Variants in DMXL1 observed in about 807,000 individuals in gnomAD.
The protein encoded by DMXL1 is Dmx like 1.
A neutral mutation model predicts 319.2 loss-of-function variants in DMXL1; 99 were observed. The ratio of observed to expected loss-of-function variants is 0.31; its 90% CI spans 0.26 to 0.37. The LOEUF (loss-of-function observed/expected upper bound fraction) is 0.37, where lower values mean the gene tolerates loss of function less well. DMXL1 is among the 10% of genes least tolerant of loss of function. The pLI, the probability that DMXL1 is intolerant of heterozygous loss-of-function variation, is 1.00. For missense variants in DMXL1, 3,745 were observed against 3,595.6 expected, an observed-to-expected ratio of 1.04 and a Z score of -1.06; for synonymous variants, 1,385 against 1,235.2, an observed-to-expected ratio of 1.12 and a Z score of -2.54.
At chr5:119,187,248 C>G (rs1007609259) in intron 28 of DMXL1, among the ~76,000 whole-genome samples, 1 of 152,138 alleles carries the variant, frequency 6.6e-6, no homozygotes, top group African/African-American at 2.4e-5. Context: ...CTTAATTTCT[C>G]CCTAATACTA....
chr5:119,120,079 C>A (rs1290189657), intron 8 of DMXL1, among the ~76,000 whole-genome samples: 1 of 151,856 alleles, frequency 6.6e-6, no homozygotes, highest in Non-Finnish European at 1.5e-5. Flanking sequence ...TGGGGTTTTG[C>A]CATGTTGGCT....
intron 1 of DMXL1, among the ~76,000 whole-genome samples, chr5:119,078,731 C>A (rs1269346812): frequency 6.6e-6 from 1 of 152,194 alleles, no homozygotes; most frequent in African/African-American, 2.4e-5. Flanking sequence ...GGATTACAGA[C>A]ATGACCCACT....
chr5:119,226,994 G>C (rs1785702456), intron 38 of DMXL1, among the ~76,000 whole-genome samples: 1 of 152,166 alleles, frequency 6.6e-6, no homozygotes, highest in Admixed American at 6.5e-5. Context: ...CCTTGTTCAA[G>C]AGTTTTTATA....
intron 23 of DMXL1, among the ~76,000 whole-genome samples, 164 bp from the exon 24 acceptor site, chr5:119,170,026 A>T (rs913418725): frequency 1.3e-5 from 2 of 152,220 alleles, no homozygotes; most frequent in Non-Finnish European, 2.9e-5. Context: ...TTCATTATAA[A>T]TGTGTTGTTG....
chr5:119,199,370 G>A (rs550958570), intron 32 of DMXL1, among the ~76,000 whole-genome samples: 2 of 152,234 alleles, frequency 1.3e-5, no homozygotes, highest in Admixed American at 1.3e-4. Context: ...GTAACCTCCA[G>A]CTCCATCCAT....
intron 6 of DMXL1, among the ~76,000 whole-genome samples, chr5:119,114,821 A>G (rs1760471167): frequency 6.6e-6 from 1 of 152,042 alleles, no homozygotes; most frequent in East Asian, 1.9e-4. Flanking sequence ...GCCCCACACC[A>G]CTATGCCCGT....
chr5:119,081,528 T>C, intron 1 of DMXL1: 2 of 974,228 alleles, frequency 2.1e-6, no homozygotes, highest in South Asian at 9.5e-5. Flanking sequence ...TTAAGTCAAT[T>C]AACAGGTATA....
At chr5:119,144,710 G>T in intron 15 of DMXL1, 72 bp downstream of exon 15, 2 of 934,094 alleles carry the variant, frequency 2.1e-6, no homozygotes, top group Non-Finnish European at 3.1e-6. Context: ...AGATGAATTG[G>T]TAAAATGCTT....
chr5:119,136,391 T>C (rs1053891958), intron 13 of DMXL1, among the ~76,000 whole-genome samples: 1 of 152,184 alleles, frequency 6.6e-6, no homozygotes, highest in African/African-American at 2.4e-5. Flanking sequence ...GTTTAGAAAA[T>C]ATGCAGCCTG....
intron 13 of DMXL1, among the ~76,000 whole-genome samples, chr5:119,136,365 G>T (rs921305562): frequency 2.6e-5 from 4 of 152,238 alleles, no homozygotes; most frequent in Non-Finnish European, 5.9e-5. Flanking sequence ...GTTTAAAAGG[G>T]AAGCAGAGCA....
chr5:119,136,032 T>G (rs1246730134), intron 13 of DMXL1, among the ~76,000 whole-genome samples: 1 of 152,188 alleles, frequency 6.6e-6, no homozygotes, highest in African/African-American at 2.4e-5. Context: ...TCCTAGAGAC[T>G]TGTTGAATGG....
Position 119,175,160 on chromosome 5 carries a change from A to C in DMXL1, c.6682-101A>C, listed in dbSNP as rs530143568. 20 of 807,140 alleles carry C rather than the reference A, an allele frequency of 2.5e-5. No homozygotes were observed. The African/African-American group carries it at 2.7e-4, about 11-fold the overall frequency. 50.0% of individuals were successfully genotyped at this position (807,140 alleles called of 1,614,324 possible). On this transcript the variant is annotated intron_variant, in intron 25 of 43. Transcript: ENST00000539542. ...AGTTCATGAAGGCAAAGAATCAAAA[A>C]TTTTTTCATTCTTTTAAAAATGCTG...
chr5:119,141,732 A>C (rs1446413578), intron 13 of DMXL1, among the ~76,000 whole-genome samples: 1 of 152,174 alleles, frequency 6.6e-6, no homozygotes, highest in Non-Finnish European at 1.5e-5. Context: ...CAAACTACCA[A>C]CAACATTGTT....
At chr5:119,220,880 C>A in intron 36 of DMXL1, 60 bp from the exon 37 acceptor site, 2 of 1,571,204 alleles carry the variant, frequency 1.3e-6, no homozygotes, top group South Asian at 1.2e-5. Context: ...TTAGACCTTT[C>A]AAGTGTAAAA....
chr5:119,071,384 C>T lies in DMXL1; in HGVS notation c.-186C>T, dbSNP rs1749506411. Reference sequence around the variant, plus strand: ...TCGCCGACCCGCCCCCTCCGGGCCTCGCCCTCCGGGGCTCGGGATGAGTCG... The same window carrying T: ...TCGCCGACCCGCCCCCTCCGGGCCTTGCCCTCCGGGGCTCGGGATGAGTCG... On this transcript the variant is annotated 5_prime_UTR_variant, in exon 1 of 44. Transcript: ENST00000539542. 1 of 582,540 alleles carries T rather than the reference C, an allele frequency of 1.7e-6. No homozygotes were observed. The allele number at this position is 582,540 out of a possible 1,614,324, so 36.1% of individuals were successfully genotyped here.
At chr5:119,171,647 T>C in intron 24 of DMXL1, 131 bp from the exon 25 acceptor site, 1 of 706,932 alleles carries the variant, frequency 1.4e-6, no homozygotes, top group Non-Finnish European at 2.2e-6. Flanking sequence ...ACATCCCTTC[T>C]AACTCTAAGT....
At chr5:119,105,363 G>A (rs1758107933) in intron 4 of DMXL1, 105 bp downstream of exon 4, 8 of 869,106 alleles carry the variant, frequency 9.2e-6, no homozygotes, top group Middle Eastern at 4.7e-4. Flanking sequence ...GAGGTTGTGG[G>A]GAATACCAAA....
At chr5:119,076,310 C>T (rs1036001560) in intron 1 of DMXL1, among the ~76,000 whole-genome samples, 4 of 152,142 alleles carry the variant, frequency 2.6e-5, no homozygotes, top group African/African-American at 9.7e-5. Flanking sequence ...CTGTAATAAG[C>T]ATCCTTGAGT....
rs778903817 is a variant in DMXL1 at position 119,134,026 on chromosome 5, T to A, written c.2102T>A (p.Val701Asp). Residue 701 changes from valine to aspartate, a missense_variant, in exon 12 of 44, where the codon GTT (valine) becomes GAT (aspartate). Coordinates refer to ENST00000539542, the MANE Select transcript of DMXL1 (RefSeq NM_001290321.3). ...GTGGCATTTCAGGATCCCAGTGCAG[T>A]TTACAGTGAGCTTATTCTGTGGAGG... is the stretch of plus-strand genomic sequence containing the variant. Reference protein sequence around the residue: ...VDVAFQDPSAVYSELILWRVD... With the variant: ...VDVAFQDPSADYSELILWRVD... The A allele has an allele frequency of 4.5e-5, 73 of 1,614,184 alleles. 1 individual carries two copies. The South Asian group carries it at 6.6e-4, about 15-fold the overall frequency.
Sources: allele counts gnomAD v4.1 joint callset (sites outside exome capture counted in the v4.1 genomes callset), GRCh38; gene constraint gnomAD v4.1.1; transcripts MANE v1.5; gene names NCBI Gene and HGNC (gene_info 2026-07-23, HGNC 2026-07-21).